LDB2: variants seen among roughly 807,000 people sequenced by gnomAD.
LDB2 encodes the protein LIM domain binding 2, also known as LIM domain-binding protein 2.
LDB2 carries 12 observed loss-of-function variants against 44.3 expected under a neutral mutation model. The ratio of observed to expected loss-of-function variants is 0.27; its 90% CI spans 0.17 to 0.44. LDB2 has a LOEUF of 0.44. LDB2 is among the 20% of genes least tolerant of loss of function. The probability of loss-of-function intolerance (pLI) is 1.00; values close to 1 mark genes in which losing one functional copy is unlikely to be tolerated. For missense variants in LDB2, 344 were observed against 473.5 expected (o/e 0.73, Z 2.54); for synonymous variants, 164 against 174.8 (o/e 0.94, Z 0.49).
intron 2 of LDB2, among the ~76,000 whole-genome samples, chr4:16,626,321 T>C (rs371463060): frequency 6.9e-4 from 105 of 152,316 alleles, no homozygotes; most frequent in Non-Finnish European, 4.3e-4. Flanking sequence ...TTATCACCAA[T>C]TGAAGTCCCT....
chr4:16,824,637 G>C (rs935532533), intron 1 of LDB2, among the ~76,000 whole-genome samples: 1 of 152,208 alleles, frequency 6.6e-6, no homozygotes, highest in South Asian at 2.1e-4. Context: ...AACTTTGTTT[G>C]AGTTCCAAAG....
At chr4:16,591,220 G>A (rs1009938405) in intron 3 of LDB2, among the ~76,000 whole-genome samples, 1 of 152,184 alleles carries the variant, frequency 6.6e-6, no homozygotes, top group East Asian at 1.9e-4. Flanking sequence ...GAAGGGTCTG[G>A]TTTACTTCTA....
chr4:16,708,447 T>G (rs1755107321), intron 2 of LDB2, among the ~76,000 whole-genome samples: 1 of 152,164 alleles, frequency 6.6e-6, no homozygotes, highest in Non-Finnish European at 1.5e-5. Flanking sequence ...TCCTCCTGTC[T>G]ACCCATATTG....
rs764655203 is a variant in LDB2, at chr4:16,512,462, A to AAAAC, written c.616-362_616-359dup. On this transcript the variant is annotated intron_variant, in intron 5 of 7. Coordinates refer to ENST00000304523, the MANE Select transcript of LDB2 (RefSeq NM_001290.5). Reference sequence around the variant, plus strand: ...GGTTAAAAACAAACAAAACAAAACAAAAACAAACAAACAAAAAAAACCCCT... The same window carrying AAAAC: ...GGTTAAAAACAAACAAAACAAAACAAAAACAAACAAACAAACAAAAAAAACCCCT... Among the ~76,000 whole-genome samples the AAAAC allele has an allele frequency of 2.5e-4, 38 of 150,660 alleles. No individual in the cohort carries two copies. The East Asian group carries it at 6.8e-3, about 27-fold the overall frequency.
chr4:16,528,227 T>C (rs565782360), intron 5 of LDB2, among the ~76,000 whole-genome samples: 23 of 152,066 alleles, frequency 1.5e-4, no homozygotes, highest in African/African-American at 5.3e-4. Flanking sequence ...GGGAAGCGGG[T>C]GAGAGGTTAA....
intron 5 of LDB2, among the ~76,000 whole-genome samples, chr4:16,513,833 C>T (rs913210088): frequency 6.6e-6 from 1 of 152,180 alleles, no homozygotes; most frequent in African/African-American, 2.4e-5. Flanking sequence ...TAGAATGCCT[C>T]TTCCCCAAGG....
intron 1 of LDB2, among the ~76,000 whole-genome samples, chr4:16,840,250 A>G (rs1785629795): frequency 6.6e-6 from 1 of 152,244 alleles, no homozygotes; most frequent in African/African-American, 2.4e-5. Context: ...GATATACTTG[A>G]CACTCATGTT....
At chr4:16,744,223 C>A (rs1272080167) in intron 2 of LDB2, among the ~76,000 whole-genome samples, 2 of 152,188 alleles carry the variant, frequency 1.3e-5, no homozygotes, top group African/African-American at 4.8e-5. Context: ...GTGGCTGGAT[C>A]TCAGCTCACT....
chr4:16,631,667 A>C (rs1731988411), intron 2 of LDB2, among the ~76,000 whole-genome samples: 1 of 152,134 alleles, frequency 6.6e-6, no homozygotes, highest in Non-Finnish European at 1.5e-5. Context: ...TTGAAAAGAT[A>C]ACAAAATAGA....
intron 1 of LDB2, among the ~76,000 whole-genome samples, chr4:16,857,614 C>T (rs1382706851): frequency 6.6e-6 from 1 of 152,206 alleles, no homozygotes; most frequent in East Asian, 1.9e-4. Context: ...ACAAAGAGGT[C>T]TTTGCCATTT....
chr4:16,704,350 T>C (rs1335119091), intron 2 of LDB2, among the ~76,000 whole-genome samples: 1 of 152,222 alleles, frequency 6.6e-6, no homozygotes, highest in Non-Finnish European at 1.5e-5. Flanking sequence ...TCCAGATAGC[T>C]ATATTATTGT....
chr4:16,585,330 T>A (rs536321914), intron 5 of LDB2, among the ~76,000 whole-genome samples: 2 of 152,186 alleles, frequency 1.3e-5, no homozygotes, highest in Admixed American at 1.3e-4. Context: ...GGTGTTAGGA[T>A]GGGCGGGTGG....
chr4:16,846,875 C>A (rs1787123517), intron 1 of LDB2, among the ~76,000 whole-genome samples: 1 of 152,152 alleles, frequency 6.6e-6, no homozygotes, highest in Non-Finnish European at 1.5e-5. Context: ...TTTTTGATAT[C>A]AAAGTCTCTT....
intron 2 of LDB2, among the ~76,000 whole-genome samples, chr4:16,657,117 C>A (rs2152534278): frequency 6.6e-6 from 1 of 151,950 alleles, no homozygotes; most frequent in East Asian, 1.9e-4. Context: ...ATGAAGCGGA[C>A]AATATAAAGA....
At chr4:16,527,769 T>TAAA (rs1322327434) in intron 5 of LDB2, among the ~76,000 whole-genome samples, 37 of 152,170 alleles carry the variant, frequency 2.4e-4, no homozygotes, top group Non-Finnish European at 4.4e-5. Context: ...TTGTATACTT[T>TAAA]AAATTTACAA....
intron 2 of LDB2, among the ~76,000 whole-genome samples, chr4:16,684,823 CT>C (rs901936111): frequency 3.3e-5 from 5 of 152,300 alleles, no homozygotes; most frequent in African/African-American, 1.2e-4. Flanking sequence ...GGCTGGAAAA[CT>C]TTCTCTGTGA....
intron 1 of LDB2, among the ~76,000 whole-genome samples, chr4:16,817,099 T>A (rs1458630733): frequency 6.6e-6 from 1 of 152,168 alleles, no homozygotes; most frequent in African/African-American, 2.4e-5. Context: ...TTGAGCACAA[T>A]ACCAGGCATG....
chr4:16,637,512 T>A (rs532078853), intron 2 of LDB2, among the ~76,000 whole-genome samples: 1 of 152,194 alleles, frequency 6.6e-6, no homozygotes, highest in African/African-American at 2.4e-5. Context: ...CAGGGCTGGC[T>A]ACGTGGTCAA....
intron 1 of LDB2, among the ~76,000 whole-genome samples, chr4:16,846,939 T>G (rs1166993692): frequency 1.3e-5 from 2 of 152,210 alleles, no homozygotes; most frequent in East Asian, 3.8e-4. Context: ...TTCCCAGATG[T>G]CTAAATAAAA....
Sources: allele counts gnomAD v4.1 joint callset (sites outside exome capture counted in the v4.1 genomes callset), GRCh38; gene constraint gnomAD v4.1.1; transcripts MANE v1.5; gene names NCBI Gene and HGNC (gene_info 2026-07-23, HGNC 2026-07-21).